Variants in CRLF3 observed in about 807,000 individuals in gnomAD.
CRLF3 encodes the protein cytokine receptor-like factor 3.
A neutral mutation model predicts 55.0 loss-of-function variants in CRLF3; 33 were observed. The ratio of observed to expected loss-of-function variants is 0.60; its 90% CI spans 0.46 to 0.80. The LOEUF is 0.80. Ranked by LOEUF, CRLF3 falls within the 30% of genes least tolerant of loss-of-function variation. The pLI, the probability that CRLF3 is intolerant of heterozygous loss-of-function variation, is 0.00. For missense variants in CRLF3, 494 were observed against 538.4 expected, an observed-to-expected ratio of 0.92 and a Z score of 0.82; for synonymous variants, 238 against 196.8, an observed-to-expected ratio of 1.21 and a Z score of -1.75.
chr17:30,790,079 G>A (rs1803375751), intron 6 of CRLF3, among the ~76,000 whole-genome samples: 1 of 151,678 alleles, frequency 6.6e-6, no homozygotes, highest in African/African-American at 2.4e-5. Context: ...TCAAAAATTA[G>A]ACAAAACAAA....
chr17:30,788,620 T>C (rs1971708935), intron 6 of CRLF3, among the ~76,000 whole-genome samples: 1 of 143,056 alleles, frequency 7.0e-6, no homozygotes, highest in East Asian at 2.0e-4. Context: ...TTTTTTTTTT[T>C]TTTTTGAGAC....
intron 2 of CRLF3, among the ~76,000 whole-genome samples, chr17:30,799,835 A>T (rs1971978884): frequency 6.6e-6 from 1 of 152,146 alleles, no homozygotes; most frequent in African/African-American, 2.4e-5. Context: ...AAAACAAATG[A>T]TCAGTCCTCA....
intron 5 of CRLF3, among the ~76,000 whole-genome samples, chr17:30,793,105 C>G (rs1431584362): frequency 6.6e-6 from 1 of 151,248 alleles, no homozygotes; most frequent in Non-Finnish European, 1.5e-5. Context: ...CCACCACACA[C>G]CAGCCTGGGC....
chr17:30,783,987 T>C lies in CRLF3; in HGVS notation c.*200A>G, dbSNP rs560015527. ...GTGATATTTAACAGTATGCTAAAAA[T>C]AAAATTGACTGAATTGTATGATTTT... is the stretch of plus-strand genomic sequence containing the variant. On this transcript the variant is annotated 3_prime_UTR_variant, in exon 8 of 8. Transcript: ENST00000324238. 85 of 530,930 alleles carry C rather than the reference T, an allele frequency of 1.6e-4. No homozygotes were observed. Among genetic ancestry groups the C allele is most frequent in the African/African-American group, 1.1e-3 (59 of 52,226 alleles). 32.9% of individuals were successfully genotyped at this position (530,930 alleles called of 1,614,324 possible). A position where few individuals can be genotyped will look rare whatever the true frequency, so the allele number is the denominator to read the frequency against.
At chr17:30,790,572 G>A (rs1036427387) in intron 6 of CRLF3, 3 of 146,692 alleles carry the variant, frequency 2.0e-5, no homozygotes, top group African/African-American at 7.6e-5. Flanking sequence ...ATTCACAAAG[G>A]ACAAAACAAA....
Position 30,824,685 on chromosome 17 carries a change from T to A in CRLF3, c.-34A>T, listed in dbSNP as rs1905091938. The stretch of plus-strand genomic sequence containing the variant: ...GCGGCCGGCGAAACCTAGCGCGGGT[T>A]CCCGACTGCACCGGGCGCCTCCAAG... On this transcript the variant is annotated 5_prime_UTR_variant, in exon 1 of 8. Coordinates refer to ENST00000324238, the MANE Select transcript of CRLF3 (RefSeq NM_015986.4). 6.3e-7 allele frequency: 1 copy of A among 1,574,974 alleles called. No homozygotes were observed. Among genetic ancestry groups the A allele is most frequent in the Non-Finnish European group, 8.6e-7 (1 of 1,167,540 alleles).
rs770510980 is a variant in CRLF3, at chr17:30,803,964, G to T, written c.274C>A (p.Leu92Ile). The T allele has an allele frequency of 2.5e-6, 4 of 1,612,410 alleles. No homozygotes were observed. Among genetic ancestry groups the T allele is most frequent in the African/African-American group, 1.3e-5 (1 of 74,884 alleles). ...TCTATGAGCTTCTGGCAGTCATCTA[G>T]TGGTTTAATGGTCTCCTGTTCAATG... ...DTIEQETIKPLDDCQKLIEHG... is the reference protein window; with the variant it reads ...DTIEQETIKPIDDCQKLIEHG... The change falls in exon 2 of 8, where the codon CTA becomes ATA. Residue 92 changes from leucine to isoleucine, a missense_variant. By Grantham distance (5) the Leu-to-Ile change is conservative. Transcript: ENST00000324238.
intron 2 of CRLF3, among the ~76,000 whole-genome samples, chr17:30,800,614 A>G (rs1971991803): frequency 6.6e-6 from 1 of 152,026 alleles, no homozygotes; most frequent in African/African-American, 2.4e-5. Flanking sequence ...TCTTAAAAAA[A>G]AAAAAAACTC....
chr17:30,794,652 A>G (rs1286836585), intron 4 of CRLF3, among the ~76,000 whole-genome samples: 1 of 152,080 alleles, frequency 6.6e-6, no homozygotes, highest in African/African-American at 2.4e-5. Context: ...TACAAAACTT[A>G]GCTGGCTGTG....
chr17:30,784,538 A>AT, intron 7 of CRLF3, 95 bp from the exon 8 acceptor site: 1 of 1,139,102 alleles, frequency 8.8e-7, no homozygotes, highest in Non-Finnish European at 1.3e-6. Flanking sequence ...TCATTTCCTA[A>AT]TTCAGATTTT....
intron 6 of CRLF3, among the ~76,000 whole-genome samples, chr17:30,788,202 C>T (rs1971694295): frequency 6.6e-6 from 1 of 151,514 alleles, no homozygotes; most frequent in Admixed American, 6.6e-5. Flanking sequence ...GTAGCAGGCG[C>T]CTGTAGTCCC....
intron 7 of CRLF3, 31 bp from the exon 8 acceptor site, chr17:30,784,474 T>G (rs1190891916): frequency 3.8e-6 from 6 of 1,576,246 alleles, no homozygotes; most frequent in Non-Finnish European, 4.3e-6. Context: ...GTCATTTACA[T>G]GTGAGCAATA....
intron 1 of CRLF3, among the ~76,000 whole-genome samples, chr17:30,814,455 G>A (rs191397213): frequency 6.6e-6 from 1 of 151,484 alleles, no homozygotes; most frequent in African/African-American, 2.4e-5. Context: ...GGAGTTGGGA[G>A]ACCAGCCTGG....
intron 6 of CRLF3, chr17:30,790,621 TTTTTTTTTTTTTC>T (rs1236031669): frequency 7.4e-6 from 1 of 135,336 alleles, no homozygotes; most frequent in African/African-American, 2.9e-5. Context: ...TTTTTTTTTT[TTTTTTTTTTTTTC>T]CAGACGGAAT....
intron 1 of CRLF3, among the ~76,000 whole-genome samples, chr17:30,823,198 C>CTAAAAA (rs1905046414): frequency 6.6e-6 from 1 of 151,842 alleles, no homozygotes; most frequent in African/African-American, 2.4e-5. Context: ...CTCCTCTCTA[C>CTAAAAA]TAAAAATACA....
intron 6 of CRLF3, chr17:30,786,858 G>T (rs774023941): frequency 2.0e-5 from 3 of 151,924 alleles, no homozygotes; most frequent in African/African-American, 7.2e-5. Flanking sequence ...GCACCACCAT[G>T]CCCGGCTAGT....
chr17:30,798,147 A>T (rs1452850127), intron 2 of CRLF3, among the ~76,000 whole-genome samples: 1 of 152,076 alleles, frequency 6.6e-6, no homozygotes, highest in Admixed American at 6.6e-5. Context: ...TGGGAGGCGG[A>T]GGCAGGTGGA....
intron 1 of CRLF3, among the ~76,000 whole-genome samples, chr17:30,814,922 A>G (rs865868524): frequency 1.6e-4 from 24 of 148,298 alleles, no homozygotes; most frequent in Middle Eastern, 7.4e-3. Flanking sequence ...AATCACTTGA[A>G]CCCCCGGGAG....
chr17:30,792,804 T>C (rs528372017), intron 5 of CRLF3: 4 of 315,112 alleles, frequency 1.3e-5, no homozygotes, highest in East Asian at 4.0e-5. Flanking sequence ...GTGTTATCTC[T>C]TATCTAATAA....
Sources: allele counts gnomAD v4.1 joint callset (sites outside exome capture counted in the v4.1 genomes callset), GRCh38; gene constraint gnomAD v4.1.1; transcripts MANE v1.5; gene names NCBI Gene and HGNC (gene_info 2026-07-23, HGNC 2026-07-21).